GNE: variants seen among roughly 807,000 people sequenced by gnomAD.
The protein encoded by GNE is bifunctional UDP-N-acetylglucosamine 2-epimerase/N-acetylmannosamine kinase.
In GNE, 41 loss-of-function variants were observed where a neutral mutation model predicts 61.8. The observed-to-expected ratio is 0.66, with a 90% CI of 0.52 to 0.86. The LOEUF (loss-of-function observed/expected upper bound fraction) is 0.86, where lower values mean the gene tolerates loss of function less well. GNE is among the 40% of genes least tolerant of loss of function. The probability of loss-of-function intolerance (pLI) is 0.00; values close to 1 mark genes in which losing one functional copy is unlikely to be tolerated. For synonymous variants in GNE, 264 were observed against 326.4 expected (o/e 0.81, Z 2.06); for missense variants, 608 against 909.1 (o/e 0.67, Z 4.26).
intron 1 of GNE, among the ~76,000 whole-genome samples, chr9:36,267,614 T>G (rs958642001): frequency 3.9e-5 from 6 of 152,046 alleles, no homozygotes; most frequent in African/African-American, 1.4e-4. Context: ...GAGAATCGCT[T>G]GAATGCAGGA....
At chr9:36,256,126 C>A (rs368113703) in intron 1 of GNE, among the ~76,000 whole-genome samples, 1 of 151,978 alleles carries the variant, frequency 6.6e-6, no homozygotes, top group African/African-American at 2.4e-5. Context: ...GGGGTTTCAC[C>A]ATGTTGGCCA....
chr9:36,252,946 G>T (rs1830168876), intron 1 of GNE, among the ~76,000 whole-genome samples: 1 of 152,112 alleles, frequency 6.6e-6, no homozygotes, highest in South Asian at 2.1e-4. Flanking sequence ...ATCACGAGAG[G>T]TCAGGAATTC....
At chr9:36,234,305 T>C (rs560465612) in intron 4 of GNE, among the ~76,000 whole-genome samples, 173 bp from the exon 5 acceptor site, 4 of 152,218 alleles carry the variant, frequency 2.6e-5, no homozygotes, top group Non-Finnish European at 5.9e-5. Flanking sequence ...ATCTAAAATG[T>C]CCTCTGCTTC....
At chr9:36,230,209 C>G (rs531148592) in intron 5 of GNE, among the ~76,000 whole-genome samples, 1 of 152,326 alleles carries the variant, frequency 6.6e-6, no homozygotes, top group Admixed American at 6.5e-5. Context: ...TCCCAAAGTG[C>G]TAGGATTACA....
chr9:36,249,388 A>G lies in GNE; in HGVS notation c.-33T>C. ...TTGTTTCGTTTTGAGAGGTTCTTAA[A>G]ATAGAGTTCCTGAAATTGCCAAAAT... On this transcript the variant is annotated 5_prime_UTR_variant, in exon 2 of 12. Coordinates refer to ENST00000642385, the MANE Select transcript of GNE (RefSeq NM_005476.7). The G allele has an allele frequency of 6.2e-7, 1 of 1,607,342 alleles. No homozygotes were observed. The highest frequency in any genetic ancestry group is 8.5e-7 in the Non-Finnish European group (1 of 1,174,860).
At position 36,258,429 on chromosome 9, in the gene GNE, G is replaced by C. The variant is rs1354083502; in HGVS notation, c.-151C>G. 1.0e-6 allele frequency: 1 copy of C among 985,382 alleles called. No individual in the cohort carries two copies. The highest frequency in any genetic ancestry group is 6.1e-5 in the Admixed American group (1 of 16,272). The allele number at this position is 985,382 out of a possible 1,614,324, so 61.0% of individuals were successfully genotyped here. ...CGCGAGCCTGCCCCTCGGTTTCCGCGCTCGGGCGCGCGGGTAGACGACTCG... is the reference window on the plus strand; with the variant it reads ...CGCGAGCCTGCCCCTCGGTTTCCGCCCTCGGGCGCGCGGGTAGACGACTCG... On this transcript the variant is annotated 5_prime_UTR_variant, in exon 1 of 12. Transcript: ENST00000642385.
chr9:36,245,162 G>A (rs550587233), intron 3 of GNE, among the ~76,000 whole-genome samples: 1 of 151,782 alleles, frequency 6.6e-6, no homozygotes, highest in Admixed American at 6.6e-5. Flanking sequence ...CACTCGGGAG[G>A]TTGAGGCAGG....
intron 1 of GNE, among the ~76,000 whole-genome samples, chr9:36,269,998 C>A (rs1230463976): frequency 6.6e-6 from 1 of 151,994 alleles, no homozygotes; most frequent in Non-Finnish European, 1.5e-5. Context: ...GTCTTGCTCT[C>A]TAGCCCAGCT....
At chr9:36,234,587 G>T (rs1829317008) in intron 4 of GNE, among the ~76,000 whole-genome samples, 1 of 152,082 alleles carries the variant, frequency 6.6e-6, no homozygotes, top group South Asian at 2.1e-4. Context: ...CCATTTATAT[G>T]AACTAAACTC....
intron 4 of GNE, among the ~76,000 whole-genome samples, chr9:36,234,562 G>A (rs1829316085): frequency 1.3e-5 from 2 of 151,974 alleles, no homozygotes; most frequent in Admixed American, 1.3e-4. Context: ...ACAAGAACTC[G>A]GTGGGATAGC....
chr9:36,251,843 G>A (rs906235238), intron 1 of GNE, among the ~76,000 whole-genome samples: 3 of 152,022 alleles, frequency 2.0e-5, no homozygotes, highest in African/African-American at 7.3e-5. Flanking sequence ...CTGTGACCAT[G>A]CAAACGGTCC....
chr9:36,228,162 G>T (rs1004460695), intron 6 of GNE, among the ~76,000 whole-genome samples: 5 of 150,638 alleles, frequency 3.3e-5, no homozygotes, highest in African/African-American at 1.2e-4. Flanking sequence ...TCAATTAAAA[G>T]TTAAAAACTA....
At chr9:36,228,032 C>CA (rs1385568208) in intron 6 of GNE, among the ~76,000 whole-genome samples, 4,042 of 45,936 alleles carry the variant, frequency 0.088, 272 homozygotes, top group African/African-American at 0.22. Context: ...GACTCCGTCT[C>CA]AAAAAAAAAA....
chr9:36,219,164 C>T (rs1828470708), intron 10 of GNE, among the ~76,000 whole-genome samples: 1 of 152,102 alleles, frequency 6.6e-6, no homozygotes, highest in Non-Finnish European at 1.5e-5. Flanking sequence ...GTCCTTCTAC[C>T]CCCACTGCCA....
intron 1 of GNE, among the ~76,000 whole-genome samples, chr9:36,269,619 C>A (rs1830943699): frequency 6.6e-6 from 1 of 151,290 alleles, no homozygotes; most frequent in South Asian, 2.1e-4. Context: ...TCAAATAATT[C>A]AAAATGTTAT....
chr9:36,247,105 G>A (rs538030082), intron 2 of GNE, among the ~76,000 whole-genome samples: 111 of 151,806 alleles, frequency 7.3e-4, no homozygotes, highest in African/African-American at 2.7e-3. Context: ...CGCCCAGGCT[G>A]GGGTGCAGTG....
At chr9:36,264,521 C>A (rs1830705682) in intron 1 of GNE, among the ~76,000 whole-genome samples, 3 of 152,132 alleles carry the variant, frequency 2.0e-5, no homozygotes, top group Admixed American at 2.0e-4. Flanking sequence ...AATCCCCAAC[C>A]TTATTTCGAT....
At chr9:36,250,265 C>G (rs1252126927) in intron 1 of GNE, among the ~76,000 whole-genome samples, 1 of 152,132 alleles carries the variant, frequency 6.6e-6, no homozygotes, top group Non-Finnish European at 1.5e-5. Flanking sequence ...GTGATTAATG[C>G]TGGGCAGGAG....
At chr9:36,258,130 TG>T (rs1247685833) in intron 1 of GNE, among the ~76,000 whole-genome samples, 190 bp downstream of exon 1, 4 of 152,118 alleles carry the variant, frequency 2.6e-5, no homozygotes, top group Non-Finnish European at 5.9e-5. Context: ...AGCCCTGAAT[TG>T]GGCCAAAGAG....
Sources: gnomAD v4.1 joint callset for allele counts (sites outside exome capture counted in the v4.1 genomes callset) on GRCh38, gnomAD v4.1.1 for gene constraint, MANE v1.5 for transcripts, NCBI Gene and HGNC (gene_info 2026-07-23, HGNC 2026-07-21) for gene names.